PRR5: variants seen among roughly 807,000 people sequenced by gnomAD.
PRR5 encodes the protein proline rich 5.
A neutral mutation model predicts 30.6 loss-of-function variants in PRR5; 25 were observed. The ratio of observed to expected loss-of-function variants is 0.82; its 90% CI spans 0.60 to 1.14. PRR5 has a LOEUF of 1.14. Among genes scored for constraint, PRR5 ranks in the 50% most tolerant of loss-of-function variants. The pLI is 0.00. For missense variants in PRR5, 600 were observed against 547.1 expected (o/e 1.10, Z -0.96); for synonymous variants, 286 against 247.1 (o/e 1.16, Z -1.48).
intron 1 of PRR5, among the ~76,000 whole-genome samples, chr22:44,681,947 G>T (rs528070725): frequency 1.2e-4 from 18 of 152,220 alleles, no homozygotes; most frequent in Non-Finnish European, 1.9e-4. Flanking sequence ...GGCCAGAGCC[G>T]TGGCCTGAGA....
At chr22:44,724,457 C>G (rs373823234) in intron 2 of PRR5, among the ~76,000 whole-genome samples, 37 of 152,068 alleles carry the variant, frequency 2.4e-4, no homozygotes, top group African/African-American at 8.4e-4. Context: ...AAAAAGTTTT[C>G]CTAAAGGGAA....
At chr22:44,726,844 T>A (rs1465265756) in intron 4 of PRR5, among the ~76,000 whole-genome samples, 1 of 152,142 alleles carries the variant, frequency 6.6e-6, no homozygotes, top group Non-Finnish European at 1.5e-5. Flanking sequence ...CCGAACTTGC[T>A]GGAGCCCAGG....
chr22:44,735,295 G>T (rs534390841), intron 7 of PRR5, 133 bp downstream of exon 7: 40 of 1,302,012 alleles, frequency 3.1e-5, no homozygotes, highest in Non-Finnish European at 3.8e-5. Flanking sequence ...CCGGGCAGCA[G>T]CCCCCAGCCT....
chr22:44,713,703 C>G (rs1419517291), intron 1 of PRR5, among the ~76,000 whole-genome samples: 1 of 152,120 alleles, frequency 6.6e-6, no homozygotes, highest in African/African-American at 2.4e-5. Flanking sequence ...TCACGTTGAG[C>G]AGTTGTAACA....
chr22:44,684,152 C>T (rs1054482046), intron 1 of PRR5, among the ~76,000 whole-genome samples: 1 of 152,170 alleles, frequency 6.6e-6, no homozygotes, highest in African/African-American at 2.4e-5. Flanking sequence ...TGTGGCCACC[C>T]CAGCCCCCAC....
In PRR5 at chr22:44,714,715, GGAGGGCTAGGCCCAGAGTC is replaced by G. The variant is rs755174024; in HGVS notation, c.215+47_215+65del. ...TTGGTCCAGGGTCCTTGAGTGGCAGGGAGGGCTAGGCCCAGAGTCGAAGGCCCCAGCCAGGCCCCTGACC... is the reference window on the plus strand; with the variant it reads ...TTGGTCCAGGGTCCTTGAGTGGCAGGGAAGGCCCCAGCCAGGCCCCTGACC... On this transcript the variant is annotated intron_variant, in intron 2 of 7. Transcript: ENST00000336985. The G allele has an allele frequency of 2.5e-6, 4 of 1,609,428 alleles. No individual in the cohort carries two copies. In the Admixed American group the frequency reaches 5.0e-5, roughly 20 times the overall value.
In PRR5 at chr22:44,680,540, G is replaced by A. The variant is rs1020185713; in HGVS notation, c.-11+3300G>A. 1.3e-5 allele frequency among the ~76,000 whole-genome samples: 2 copies of A among 152,186 alleles called. 1 individual carries two copies. Among genetic ancestry groups the A allele is most frequent in the South Asian group, 4.1e-4 (2 of 4,836 alleles). ...ATCCCAGAGCCGCAGCAGTGGCAGC[G>A]CTGCCTCCATGGAGGTCCCACAGCA... On this transcript the variant is annotated intron_variant, in intron 1 of 8. Transcript: ENST00000006251.
At position 44,731,705 on chromosome 22, in the gene PRR5, G is replaced by C. The variant is rs371227429; in HGVS notation, c.323-25G>C. The C allele has an allele frequency of 3.7e-4, 604 of 1,612,470 alleles. 2 individuals carry two copies. The Middle Eastern group carries it at 8.6e-3, about 23-fold the overall frequency. On this transcript the variant is annotated intron_variant, in intron 4 of 7. Coordinates refer to ENST00000336985, the MANE Select transcript of PRR5 (RefSeq NM_181333.4). ...CATCTGCCCGCGCCAGTCAGGCCCAGTGGTGATGGCCCCCATGCCCACAGG... is the reference window on the plus strand; with the variant it reads ...CATCTGCCCGCGCCAGTCAGGCCCACTGGTGATGGCCCCCATGCCCACAGG...
intron 2 of PRR5, among the ~76,000 whole-genome samples, chr22:44,723,960 A>G (rs1000212445): frequency 1.3e-5 from 2 of 152,240 alleles, no homozygotes; most frequent in Admixed American, 1.3e-4. Flanking sequence ...GGGACCAATC[A>G]GAGACTGACT....
chr22:44,725,373 G>T, intron 3 of PRR5, 81 bp downstream of exon 3: 1 of 1,582,136 alleles, frequency 6.3e-7, no homozygotes, highest in Non-Finnish European at 8.6e-7. Flanking sequence ...GCCCCCGGGG[G>T]TGTGGAGCGC....
chr22:44,714,345 G>T (rs1407911514), intron 1 of PRR5, among the ~76,000 whole-genome samples: 2 of 152,216 alleles, frequency 1.3e-5, no homozygotes, highest in Non-Finnish European at 2.9e-5. Flanking sequence ...GCCACATAGT[G>T]TGTGCAGAGG....
intron 1 of PRR5, among the ~76,000 whole-genome samples, chr22:44,693,281 T>C (rs12167480): frequency 0.05 from 7,647 of 152,058 alleles, 374 homozygotes; most frequent in African/African-American, 0.13. Flanking sequence ...CTTGGCAACA[T>C]AGAAAGACCC....
chr22:44,687,884 C>T lies in PRR5; in HGVS notation c.-11+10644C>T, dbSNP rs527483744. Among the ~76,000 whole-genome samples, 584 of 152,120 alleles carry T rather than the reference C, an allele frequency of 3.8e-3. 1 individual carries two copies. Among genetic ancestry groups the T allele is most frequent in the Middle Eastern group, 6.8e-3 (2 of 294 alleles). On this transcript the variant is annotated intron_variant, in intron 1 of 8. Coordinates refer to the PRR5 transcript ENST00000006251. ...CCGCCTCCCGGGTTCAAGCGATTCT[C>T]CTGTCTCAGCCCCCCGAGTAGCTGG...
chr22:44,736,848 C>T lies in PRR5; in HGVS notation c.768C>T (p.Asn256=). ...CTGTGGTGCGCTCCAAGAGCTACAA[C>T]ACGCCTCTGCTGAACCCCGTGCAGG... The part of the protein sequence containing the change: ...KNPVVRSKSY[N]TPLLNPVQEH... Residue 256 remains asparagine (N), a synonymous_variant, in exon 8 of 8, where the codon AAC becomes AAT. Transcript: ENST00000336985. The T allele has an allele frequency of 6.2e-7, 1 of 1,604,162 alleles. No homozygotes were observed. The highest frequency in any genetic ancestry group is 8.5e-7 in the Non-Finnish European group (1 of 1,173,646).
At chr22:44,723,861 A>G (rs1237653936) in intron 2 of PRR5, among the ~76,000 whole-genome samples, 1 of 152,240 alleles carries the variant, frequency 6.6e-6, no homozygotes, top group Non-Finnish European at 1.5e-5. Flanking sequence ...CCATTTTTAC[A>G]GAATGCCACA....
Position 44,724,204 on chromosome 22 carries a change from G to A in PRR5, c.216-1040G>A, listed in dbSNP as rs111608862. ...TAATCCCAACACTTTGGGAGGCCAA[G>A]GCGGGTGGATCACTTGAGGTCAGGA... On this transcript the variant is annotated intron_variant, in intron 2 of 7. Coordinates refer to ENST00000336985, the MANE Select transcript of PRR5 (RefSeq NM_181333.4). Among the ~76,000 whole-genome samples, 403 of 152,326 alleles carry A rather than the reference G, an allele frequency of 2.6e-3. 2 individuals are homozygous for A. Among genetic ancestry groups the A allele is most frequent in the African/African-American group, 9.1e-3 (380 of 41,560 alleles).
intron 1 of PRR5, among the ~76,000 whole-genome samples, chr22:44,689,503 G>C (rs899533318): frequency 6.6e-6 from 1 of 152,232 alleles, no homozygotes; most frequent in African/African-American, 2.4e-5. Context: ...GCTCTAAGTA[G>C]CCTCCCTTTA....
At chr22:44,736,671 C>G (rs1389683526) in intron 7 of PRR5, 101 bp from the exon 8 acceptor site, 29 of 1,470,352 alleles carry the variant, frequency 2.0e-5, no homozygotes, top group Non-Finnish European at 2.4e-5. Context: ...TTCCCTGCAG[C>G]TGCCCCTGCA....
rs980706865 is a variant in PRR5, at chr22:44,707,483, C to T, written c.134+4875C>T. Reference sequence around the variant, plus strand: ...CAGCTGCCGGCATGCCCTTGGCGGGCTCTGTGCTTGTGCCCTAGGCCTGGC... The same window carrying T: ...CAGCTGCCGGCATGCCCTTGGCGGGTTCTGTGCTTGTGCCCTAGGCCTGGC... On this transcript the variant is annotated intron_variant, in intron 1 of 7. Transcript: ENST00000336985. 3.3e-5 allele frequency among the ~76,000 whole-genome samples: 5 copies of T among 152,320 alleles called. No individual in the cohort carries two copies. The East Asian group carries it at 5.8e-4, about 18-fold the overall frequency.
Sources: gnomAD v4.1 joint callset for allele counts (sites outside exome capture counted in the v4.1 genomes callset) on GRCh38, gnomAD v4.1.1 for gene constraint, MANE v1.5 for transcripts, NCBI Gene and HGNC (gene_info 2026-07-23, HGNC 2026-07-21) for gene names.